The following GSDME variants were observed in gnomAD, a reference collection of about 807,000 sequenced individuals.
GSDME encodes gasdermin-E.
Under a neutral mutation model 47.5 loss-of-function variants are expected in GSDME, and 44 were observed. The ratio of observed to expected loss-of-function variants is 0.93; its 90% CI spans 0.73 to 1.19. The LOEUF (loss-of-function observed/expected upper bound fraction) is 1.19, where lower values mean the gene tolerates loss of function less well. Ranked by LOEUF, GSDME falls within the 50% of genes most tolerant of loss-of-function variation. The pLI is 0.00. For missense variants in GSDME, 663 were observed against 604.2 expected (o/e 1.10, Z -1.02); for synonymous variants, 258 against 252.8 (o/e 1.02, Z -0.20).
the GSDME span, among the ~76,000 whole-genome samples, chr7:24,779,895 G>A: frequency 2.0e-5 from 3 of 152,226 alleles, no homozygotes; most frequent in Admixed American, 2.0e-4. This position sits in a 1 kb window ranked among gnomAD's most constrained non-coding sequence, Gnocchi z 6.0. Flanking sequence ...AAAGCTGCCA[G>A]CACATTTCGC....
chr7:24,710,310 A>C lies in GSDME; in HGVS notation c.776T>G (p.Val259Gly). 6.2e-7 allele frequency: 1 copy of C among 1,614,228 alleles called. No homozygotes were observed. The highest frequency in any genetic ancestry group is 8.5e-7 in the Non-Finnish European group (1 of 1,180,040). Residue 259 changes from valine to glycine, a missense_variant, in exon 6 of 10, where the codon GTC becomes GGC. Val to Gly is a moderately radical substitution (Grantham distance 109). Coordinates refer to ENST00000645220, the MANE Select transcript of GSDME (RefSeq NM_001127453.2). ...RIDSVYLDPL[V>G]FREFAFIDMP... ...GTCTATGAATGCAAACTCTCGAAAG[A>C]CCAGGGGGTCCAGGTAGACAGAGTC...
chr7:24,719,239 T>G (rs768321674), intron 3 of GSDME, 21 bp from the exon 4 acceptor site: 2 of 1,605,472 alleles, frequency 1.2e-6, no homozygotes, highest in Admixed American at 3.3e-5. Context: ...AAAACGGATG[T>G]GAGTGGCTTA....
At chr7:24,707,250 T>C (rs1789148398) in intron 7 of GSDME, 1 of 466,456 alleles carries the variant, frequency 2.1e-6, no homozygotes, top group East Asian at 7.0e-5. Flanking sequence ...CATAATATAA[T>C]AGAAAAACAA....
Position 24,698,855 on chromosome 7 carries a change from A to G in GSDME, c.*171T>C. Reference sequence around the variant, plus strand: ...GGGCCTCTGATAAGGAAAACTGTTTAAAGAGTACCTGGTGGCTAAAAGTCA... The same window carrying G: ...GGGCCTCTGATAAGGAAAACTGTTTGAAGAGTACCTGGTGGCTAAAAGTCA... On this transcript the variant is annotated 3_prime_UTR_variant, in exon 10 of 10. Coordinates refer to ENST00000645220, the MANE Select transcript of GSDME (RefSeq NM_001127453.2). 3 of 659,534 alleles carry G rather than the reference A, an allele frequency of 4.5e-6. No homozygotes were observed. 40.9% of individuals were successfully genotyped at this position (659,534 alleles called of 1,614,324 possible). A position where few individuals can be genotyped will look rare whatever the true frequency, so the allele number is the denominator to read the frequency against.
In GSDME at chr7:24,724,565, A is replaced by C. The variant is rs1344158510; in HGVS notation, c.405-5347T>G. On this transcript the variant is annotated intron_variant, in intron 3 of 9. Transcript: ENST00000645220. This position sits in a 1 kb window ranked among gnomAD's most constrained non-coding sequence, Gnocchi z 4.8. Reference sequence around the variant, plus strand: ...CAGAAAGGGCCAGCCCCAAAGGAGCAAGTCTGGAGGCAGGGGAAGGGGGTG... The same window carrying C: ...CAGAAAGGGCCAGCCCCAAAGGAGCCAGTCTGGAGGCAGGGGAAGGGGGTG... 6.6e-6 allele frequency: 1 copy of C among 152,378 alleles called. No individual in the cohort carries two copies. The highest frequency in any genetic ancestry group is 1.5e-5 in the Non-Finnish European group (1 of 68,184). 9.4% of individuals were successfully genotyped at this position (152,378 alleles called of 1,614,324 possible).
At chr7:24,740,562 T>C (rs1790455907) in intron 3 of GSDME, among the ~76,000 whole-genome samples, 1 of 152,078 alleles carries the variant, frequency 6.6e-6, no homozygotes, top group Admixed American at 6.6e-5. Flanking sequence ...TTATTATACA[T>C]TGTATGCCTG....
the GSDME span, among the ~76,000 whole-genome samples, chr7:24,765,111 C>A: frequency 6.6e-6 from 1 of 152,164 alleles, no homozygotes; most frequent in Non-Finnish European, 1.5e-5. Context: ...TCTCACCTCT[C>A]CTTGCTCACC....
chr7:24,783,836 G>A, the GSDME span, among the ~76,000 whole-genome samples: 1 of 152,096 alleles, frequency 6.6e-6, no homozygotes, highest in Non-Finnish European at 1.5e-5. Context: ...GCTTATGGGT[G>A]GTAGTGACAT....
In GSDME at chr7:24,756,570, C is replaced by A. The variant is rs1791024229; in HGVS notation, c.-20+826G>T. Among the ~76,000 whole-genome samples, 1 of 152,228 alleles carries A rather than the reference C, an allele frequency of 6.6e-6. No homozygotes were observed. Among genetic ancestry groups the A allele is most frequent in the Admixed American group, 6.5e-5 (1 of 15,286 alleles). On this transcript the variant is annotated intron_variant, in intron 1 of 9. Transcript: ENST00000645220. This position sits in a 1 kb window ranked among gnomAD's most constrained non-coding sequence, Gnocchi z 4.2. ...CACTTGGACTTGCCCCACCTGCCTG[C>A]GTCTCGAGGACAGCGACCGCAAGCC... is the stretch of plus-strand genomic sequence containing the variant.
chr7:24,771,064 A>T, the GSDME span, among the ~76,000 whole-genome samples: 1 of 152,158 alleles, frequency 6.6e-6, no homozygotes, highest in Non-Finnish European at 1.5e-5. This position sits in a 1 kb window ranked among gnomAD's most constrained non-coding sequence, Gnocchi z 4.1. Flanking sequence ...AACACCAAGC[A>T]GGATAAATGA....
At position 24,705,843 on chromosome 7, in the gene GSDME, CACT is replaced by C. The variant is rs1197388983; in HGVS notation, c.1183+338_1183+340del. On this transcript the variant is annotated intron_variant, in intron 8 of 9. Transcript: ENST00000645220. The surrounding 1 kb of genome is among the most constrained non-coding windows in gnomAD (Gnocchi z 4.1). The stretch of plus-strand genomic sequence containing the variant: ...GCAGTTGGCAAATGAAAGTTGCTGC[CACT>C]CAGCTCTGCTGGGACTCCGGAGTGA... The C allele has an allele frequency of 2.5e-6, 1 of 396,036 alleles. No individual in the cohort carries two copies. Among genetic ancestry groups the C allele is most frequent in the East Asian group, 5.9e-5 (1 of 16,870 alleles). 24.5% of individuals were successfully genotyped at this position (396,036 alleles called of 1,614,324 possible). A position where few individuals can be genotyped will look rare whatever the true frequency, so the allele number is the denominator to read the frequency against.
intron 3 of GSDME, among the ~76,000 whole-genome samples, chr7:24,738,586 T>A (rs1359068282): frequency 6.6e-6 from 1 of 152,064 alleles, no homozygotes; most frequent in Non-Finnish European, 1.5e-5. Flanking sequence ...ATGCAATCCC[T>A]ACAAAATACC....
intron 5 of GSDME, chr7:24,715,478 G>A: frequency 2.1e-6 from 1 of 471,020 alleles, no homozygotes; most frequent in Non-Finnish European, 4.4e-6. Context: ...CAGTTTCTGT[G>A]TGTCAATCAT....
At chr7:24,710,898 G>C (rs548692112) in intron 5 of GSDME, among the ~76,000 whole-genome samples, 1 of 152,204 alleles carries the variant, frequency 6.6e-6, no homozygotes, top group Non-Finnish European at 1.5e-5. Flanking sequence ...GCAGTTATAT[G>C]AATGAATTTC....
At chr7:24,781,930 G>T in the GSDME span, among the ~76,000 whole-genome samples, 3 of 152,018 alleles carry the variant, frequency 2.0e-5, no homozygotes, top group East Asian at 5.8e-4. Flanking sequence ...GTTTTCTGTA[G>T]AAAGGATGTC....
At chr7:24,757,469 C>G (rs1056330776), upstream of GSDME, 2 of 151,604 alleles carry the variant, frequency 1.3e-5, no homozygotes, top group Non-Finnish European at 2.9e-5. This position sits in a 1 kb window ranked among gnomAD's most constrained non-coding sequence, Gnocchi z 5.9. Context: ...TGCGCTGGGC[C>G]GGCGGGGGGC....
chr7:24,706,728 G>A (rs187467390), intron 7 of GSDME, among the ~76,000 whole-genome samples: 20 of 152,346 alleles, frequency 1.3e-4, no homozygotes, highest in Non-Finnish European at 2.4e-4. Flanking sequence ...GTTCTCATGC[G>A]TTAAGCTAGG....
chr7:24,732,702 C>T lies in GSDME; in HGVS notation c.404+11860G>A, dbSNP rs923946977. ...ACACCGGGCAGAACTCAGCCAGCGCCCACTGAGGGAGCATGTAGACCAGCC... is the reference window on the plus strand; with the variant it reads ...ACACCGGGCAGAACTCAGCCAGCGCTCACTGAGGGAGCATGTAGACCAGCC... On this transcript the variant is annotated intron_variant, in intron 3 of 9. Transcript: ENST00000645220. This position sits in a 1 kb window ranked among gnomAD's most constrained non-coding sequence, Gnocchi z 4.8. Among the ~76,000 whole-genome samples, 1 of 152,216 alleles carries T rather than the reference C, an allele frequency of 6.6e-6. No individual in the cohort carries two copies. The highest frequency in any genetic ancestry group is 2.4e-5 in the African/African-American group (1 of 41,444).
At chr7:24,748,736 G>C (rs867928628) in intron 2 of GSDME, among the ~76,000 whole-genome samples, 5 of 151,910 alleles carry the variant, frequency 3.3e-5, no homozygotes, top group African/African-American at 1.2e-4. Context: ...TCTGTCCATG[G>C]TGTCAGTGAA....
Sources: gnomAD v4.1 joint callset for allele counts (sites outside exome capture counted in the v4.1 genomes callset) on GRCh38, gnomAD v4.1.1 for gene constraint, Gnocchi (gnomAD v3.1) non-coding constraint, MANE v1.5 for transcripts, NCBI Gene and HGNC (gene_info 2026-07-23, HGNC 2026-07-21) for gene names.